The following CPSF2 variants were observed in gnomAD, a reference collection of about 807,000 sequenced individuals.
CPSF2 encodes the protein cleavage and polyadenylation specific factor 2, also known as cleavage and polyadenylation specificity factor subunit 2.
A neutral mutation model predicts 84.2 loss-of-function variants in CPSF2; 51 were observed. That is an observed-to-expected ratio of 0.61 (90% CI 0.48 to 0.77). The LOEUF (loss-of-function observed/expected upper bound fraction) is 0.77. Among genes scored for constraint, CPSF2 ranks in the 30% least tolerant of loss-of-function variants. The pLI is 0.00. For missense variants in CPSF2, 641 were observed against 929.4 expected (o/e 0.69, Z 4.03); for synonymous variants, 286 against 311.9 (o/e 0.92, Z 0.87).
At chr14:92,135,312 A>ATTTTATTT in intron 5 of CPSF2, 55 bp from the exon 6 acceptor site, 1 of 1,465,456 alleles carries the variant, frequency 6.8e-7, no homozygotes, top group South Asian at 1.3e-5. Flanking sequence ...AGAAATAAAT[A>ATTTTATTT]ACCTTTCTTT....
chr14:92,137,874 G>A (rs2069020566), intron 6 of CPSF2, among the ~76,000 whole-genome samples: 1 of 152,060 alleles, frequency 6.6e-6, no homozygotes, highest in Non-Finnish European at 1.5e-5. Context: ...GAGCGTATAG[G>A]AATGTATATG....
At chr14:92,134,666 T>G in intron 5 of CPSF2, among the ~76,000 whole-genome samples, 1 of 152,198 alleles carries the variant, frequency 6.6e-6, no homozygotes, top group African/African-American at 2.4e-5. Flanking sequence ...TACAGTTAGA[T>G]TGAGGCAACA....
At chr14:92,127,625 T>C (rs931687295) in intron 2 of CPSF2, among the ~76,000 whole-genome samples, 6 of 152,206 alleles carry the variant, frequency 3.9e-5, no homozygotes, top group African/African-American at 1.4e-4. Context: ...AGGGTTCTTA[T>C]AAGTTGGGAA....
intron 2 of CPSF2, among the ~76,000 whole-genome samples, chr14:92,126,407 T>C (rs906218050): frequency 6.6e-6 from 1 of 152,222 alleles, no homozygotes; most frequent in African/African-American, 2.4e-5. Context: ...ATTAATATAA[T>C]TGTGGTACAG....
At position 92,123,156 on chromosome 14, in the gene CPSF2, C is replaced by G. The variant is rs117604637; in HGVS notation, c.-94+1028C>G. ...TTATTTTTTATTTTTGAGAAGGAAT[C>G]TCGCTCTGTCGCCCAGGCTGGAGTG... On this transcript the variant is annotated intron_variant, in intron 1 of 15. Coordinates refer to ENST00000298875, the MANE Select transcript of CPSF2 (RefSeq NM_017437.3). Among the ~76,000 whole-genome samples, 353 of 152,304 alleles carry G rather than the reference C, an allele frequency of 2.3e-3. 4 individuals are homozygous for G. The East Asian group carries it at 0.031, about 13-fold the overall frequency.
In CPSF2 at chr14:92,166,630, G is replaced by A. The variant is rs1339725098; in HGVS notation, c.*4886G>A. 1 of 152,050 alleles carries A rather than the reference G, an allele frequency of 6.6e-6. No individual in the cohort carries two copies. Among genetic ancestry groups the A allele is most frequent in the Non-Finnish European group, 1.5e-5 (1 of 68,000 alleles). 9.4% of individuals were successfully genotyped at this position (152,050 alleles called of 1,614,324 possible). On this transcript the variant is annotated 3_prime_UTR_variant, in exon 16 of 16. Coordinates refer to ENST00000298875, the MANE Select transcript of CPSF2 (RefSeq NM_017437.3). ...GCTGCCCAAAGTGCTGGGATTACAG[G>A]CATGAGTCACCATTCCTGGCATTAA...
intron 14 of CPSF2, among the ~76,000 whole-genome samples, chr14:92,159,677 C>A (rs2069343168): frequency 2.6e-5 from 4 of 152,104 alleles, no homozygotes; most frequent in Admixed American, 2.0e-4. Context: ...TAGAGTGAGA[C>A]CCTGTCTTGA....
At chr14:92,156,429 G>A (rs562628418) in intron 11 of CPSF2, 50 bp from the exon 12 acceptor site, 1 of 1,503,042 alleles carries the variant, frequency 6.7e-7, no homozygotes, top group South Asian at 1.2e-5. Context: ...TATATGTTAT[G>A]TAGTATTAGC....
In CPSF2 at chr14:92,131,043, G is replaced by A; in HGVS notation, c.59G>A (p.Cys20Tyr). Residue 20 changes from cysteine to tyrosine, a missense_variant, in exon 3 of 16, where the codon TGC becomes TAC. This residue lies in a region of CPSF2 where 211 missense variants were observed against 375.7 expected (regional missense o/e 0.56). Transcript: ENST00000298875. The part of the protein sequence containing the change: ...LSGVQEESAL[C>Y]YLLQVDEFRF... ...GGGGTCCAAGAAGAATCTGCCCTTT[G>A]CTATCTTCTCCAAGTTGATGAGTTT... is the stretch of plus-strand genomic sequence containing the variant. The A allele has an allele frequency of 1.2e-6, 2 of 1,612,818 alleles. No homozygotes were observed. Among genetic ancestry groups the A allele is most frequent in the South Asian group, 1.1e-5 (1 of 90,828 alleles).
At position 92,157,573 on chromosome 14, in the gene CPSF2, A is replaced by T; in HGVS notation, c.1596-86A>T. ...ATAACATGTGTATTTCTCAAATCCT[A>T]GTGTTATATATTGTATACATGATAA... On this transcript the variant is annotated intron_variant, in intron 12 of 15. Transcript: ENST00000298875. This position sits in a 1 kb window ranked among gnomAD's most constrained non-coding sequence, Gnocchi z 4.0. 1 of 755,086 alleles carries T rather than the reference A, an allele frequency of 1.3e-6. No individual in the cohort carries two copies. The highest frequency in any genetic ancestry group is 2.2e-6 in the Non-Finnish European group (1 of 455,468). The allele number at this position is 755,086 out of a possible 1,614,324, so 46.8% of individuals were successfully genotyped here.
chr14:92,140,356 T>G (rs542710323), intron 7 of CPSF2, among the ~76,000 whole-genome samples: 59 of 152,110 alleles, frequency 3.9e-4, no homozygotes, highest in African/African-American at 1.2e-3. Context: ...GGTCAACACT[T>G]TGGGAGGCTG....
At chr14:92,154,574 A>G in intron 10 of CPSF2, 116 bp downstream of exon 10, 1 of 658,802 alleles carries the variant, frequency 1.5e-6, no homozygotes, top group Non-Finnish European at 2.5e-6. Flanking sequence ...TAATTTTGTT[A>G]CAGACATCTT....
intron 2 of CPSF2, 86 bp downstream of exon 2, chr14:92,126,266 T>C (rs2068844441): frequency 6.6e-6 from 1 of 152,238 alleles, no homozygotes; most frequent in Non-Finnish European, 1.5e-5. Flanking sequence ...AATCTTGGTC[T>C]GTCTGCAAAA....
chr14:92,154,334 C>G lies in CPSF2; in HGVS notation c.1141-24C>G. ...CCTAATATTAACATATTAACATTTC[C>G]TTTTGTCTTTTATTTTTTTTTAGTT... On this transcript the variant is annotated intron_variant, in intron 9 of 15. Transcript: ENST00000298875. 3 of 1,551,828 alleles carry G rather than the reference C, an allele frequency of 1.9e-6. No individual in the cohort carries two copies. The South Asian group carries it at 3.5e-5, about 18-fold the overall frequency.
chr14:92,136,604 T>C (rs575890854), intron 6 of CPSF2, among the ~76,000 whole-genome samples: 7 of 152,310 alleles, frequency 4.6e-5, no homozygotes, highest in Non-Finnish European at 8.8e-5. Context: ...ACCCAATAAA[T>C]ATGAAGGGCT....
chr14:92,130,973 G>T lies in CPSF2; in HGVS notation c.-12G>T. 6.2e-7 allele frequency: 1 copy of T among 1,607,402 alleles called. No homozygotes were observed. Among genetic ancestry groups the T allele is most frequent in the South Asian group, 1.1e-5 (1 of 89,104 alleles). On this transcript the variant is annotated 5_prime_UTR_variant, in exon 3 of 16. Transcript: ENST00000298875. ...AAGACTCTTCTAGCTTGCTGTTTCTGGACCAAAAAAAATGACGTCTATTAT... is the reference window on the plus strand; with the variant it reads ...AAGACTCTTCTAGCTTGCTGTTTCTTGACCAAAAAAAATGACGTCTATTAT...
rs890318854 is a variant in CPSF2, at chr14:92,167,085, C to G, written c.*5341C>G. On this transcript the variant is annotated 3_prime_UTR_variant, in exon 16 of 16. Coordinates refer to ENST00000298875, the MANE Select transcript of CPSF2 (RefSeq NM_017437.3). ...GGAGTGCTATGGCTCAATCTCAGCT[C>G]ACTGCAACCTCCGCCTCCTGGGTTC... is the stretch of plus-strand genomic sequence containing the variant. 2 of 147,948 alleles carry G rather than the reference C, an allele frequency of 1.4e-5. No homozygotes were observed. The highest frequency in any genetic ancestry group is 3.0e-5 in the Non-Finnish European group (2 of 67,540). 9.2% of individuals were successfully genotyped at this position (147,948 alleles called of 1,614,324 possible). A position where few individuals can be genotyped will look rare whatever the true frequency, so the allele number is the denominator to read the frequency against.
intron 9 of CPSF2, among the ~76,000 whole-genome samples, chr14:92,148,305 C>T (rs2069168436): frequency 6.6e-6 from 1 of 152,078 alleles, no homozygotes; most frequent in South Asian, 2.1e-4. Flanking sequence ...TTTTTCTGAA[C>T]CATTTGAAGA....
intron 9 of CPSF2, among the ~76,000 whole-genome samples, chr14:92,146,916 G>A (rs1035289685): frequency 5.3e-5 from 8 of 152,080 alleles, no homozygotes; most frequent in Non-Finnish European, 8.8e-5. Flanking sequence ...CTGGCTTTGC[G>A]CATGGCTGGC....
Sources: allele counts gnomAD v4.1 joint callset (sites outside exome capture counted in the v4.1 genomes callset), GRCh38; gene constraint gnomAD v4.1.1; regional missense constraint gnomAD v4.1.1; non-coding constraint Gnocchi (gnomAD v3.1); transcripts MANE v1.5; gene names NCBI Gene and HGNC (gene_info 2026-07-23, HGNC 2026-07-21).